The following NTNG1 variants were observed in gnomAD, a reference collection of about 807,000 sequenced individuals.
The protein encoded by NTNG1 is netrin-G1.
A neutral mutation model predicts 54.0 loss-of-function variants in NTNG1; 16 were observed. The ratio of observed to expected loss-of-function variants is 0.30; its 90% CI spans 0.20 to 0.45. The LOEUF is 0.45. NTNG1 is among the 20% of genes least tolerant of loss of function. The pLI, the probability that NTNG1 is intolerant of heterozygous loss-of-function variation, is 1.00. For synonymous variants in NTNG1, 255 were observed against 263.1 expected (o/e 0.97, Z 0.30); for missense variants, 530 against 678.7 (o/e 0.78, Z 2.43).
intron 7 of NTNG1, among the ~76,000 whole-genome samples, chr1:107,446,089 G>T (rs950907815): frequency 9.9e-5 from 15 of 152,064 alleles, no homozygotes; most frequent in African/African-American, 3.1e-4. Flanking sequence ...AGGCAGGAAA[G>T]AACATAAGAA....
intron 3 of NTNG1, among the ~76,000 whole-genome samples, chr1:107,354,914 A>G (rs140091930): frequency 7.0e-4 from 106 of 152,280 alleles, no homozygotes; most frequent in Non-Finnish European, 1.2e-3. Flanking sequence ...TGGGTTTGAC[A>G]TTATATACCT....
chr1:107,465,865 A>G (rs1359940340), intron 7 of NTNG1, among the ~76,000 whole-genome samples: 1 of 152,230 alleles, frequency 6.6e-6, no homozygotes, highest in Non-Finnish European at 1.5e-5. Context: ...GTACCAGATT[A>G]TTAGATATAT....
At chr1:107,156,411 G>A (rs1481615752) in intron 2 of NTNG1, among the ~76,000 whole-genome samples, 1 of 151,972 alleles carries the variant, frequency 6.6e-6, no homozygotes, top group African/African-American at 2.4e-5. Context: ...AGATAAAAAA[G>A]GCTATCCTGA....
At chr1:107,451,423 G>A (rs984096218) in intron 7 of NTNG1, among the ~76,000 whole-genome samples, 6 of 151,944 alleles carry the variant, frequency 3.9e-5, no homozygotes, top group East Asian at 1.9e-4. Context: ...GCCCTAACAC[G>A]GTTAACCAAA....
intron 4 of NTNG1, among the ~76,000 whole-genome samples, chr1:107,406,556 A>C (rs1673433352): frequency 6.6e-6 from 1 of 152,150 alleles, no homozygotes; most frequent in Admixed American, 6.6e-5. Flanking sequence ...GGTATAAAGC[A>C]GAATTCTCAC....
rs77488963 is a variant in NTNG1 at position 107,456,279 on chromosome 1, T to A, written c.1390+19480T>A. On this transcript the variant is annotated intron_variant, in intron 7 of 7. Coordinates refer to ENST00000370068, the MANE Select transcript of NTNG1 (RefSeq NM_001113226.3). The stretch of plus-strand genomic sequence containing the variant: ...TTGACACCCTTCAACCCTGGTCTGA[T>A]AAGCCAAAGGCTCACTTGGCTGTGA... Among the ~76,000 whole-genome samples, 707 of 152,336 alleles carry A rather than the reference T, an allele frequency of 4.6e-3. 10 individuals are homozygous for A. The highest frequency in any genetic ancestry group is 0.038 in the East Asian group (195 of 5,184).
At chr1:107,313,936 C>T (rs1392249372) in intron 2 of NTNG1, among the ~76,000 whole-genome samples, 2 of 152,130 alleles carry the variant, frequency 1.3e-5, no homozygotes, top group Non-Finnish European at 2.9e-5. Flanking sequence ...CTCTGCAAGC[C>T]CTTTGTTTCC....
intron 2 of NTNG1, among the ~76,000 whole-genome samples, chr1:107,273,752 G>T (rs1482695624): frequency 1.3e-5 from 2 of 152,084 alleles, no homozygotes; most frequent in African/African-American, 2.4e-5. Context: ...TGGGCCTCTT[G>T]TCGAGTACAT....
intron 5 of NTNG1, among the ~76,000 whole-genome samples, chr1:107,426,853 C>A (rs1201346269): frequency 1.3e-5 from 2 of 151,986 alleles, no homozygotes; most frequent in Non-Finnish European, 2.9e-5. Context: ...TCTACAATTT[C>A]TCCTATCAGT....
intron 2 of NTNG1, among the ~76,000 whole-genome samples, chr1:107,221,697 C>T (rs978962327): frequency 2.0e-5 from 3 of 152,030 alleles, no homozygotes; most frequent in South Asian, 2.1e-4. Flanking sequence ...GTACTTGGGC[C>T]GTGGCTGGCA....
intron 3 of NTNG1, among the ~76,000 whole-genome samples, chr1:107,370,332 T>A (rs1423480952): frequency 1.3e-5 from 2 of 151,852 alleles, no homozygotes; most frequent in Non-Finnish European, 2.9e-5. Flanking sequence ...TAGGGAGAAT[T>A]GTCATTTTTT....
chr1:107,155,731 A>G (rs1340611159), intron 2 of NTNG1, among the ~76,000 whole-genome samples: 2 of 152,232 alleles, frequency 1.3e-5, no homozygotes, highest in African/African-American at 4.8e-5. Context: ...ACTCCAAGGC[A>G]GCAAATAAAT....
chr1:107,284,902 A>T (rs1396631560), intron 2 of NTNG1, among the ~76,000 whole-genome samples: 1 of 152,140 alleles, frequency 6.6e-6, no homozygotes, highest in East Asian at 1.9e-4. Context: ...TAGATTGATT[A>T]GTCCACTGAC....
chr1:107,455,392 T>C (rs1676889520), intron 7 of NTNG1, among the ~76,000 whole-genome samples: 1 of 152,222 alleles, frequency 6.6e-6, no homozygotes, highest in Non-Finnish European at 1.5e-5. Context: ...CAATAAAAAG[T>C]CATTATGCAC....
intron 3 of NTNG1, among the ~76,000 whole-genome samples, chr1:107,341,995 C>A (rs1269147590): frequency 6.6e-6 from 1 of 151,788 alleles, no homozygotes; most frequent in African/African-American, 2.4e-5. Flanking sequence ...TTAGAGTGGA[C>A]AATTTACTAA....
At position 107,261,454 on chromosome 1, in the gene NTNG1, T is replaced by TA. The variant is rs902282203; in HGVS notation, c.247-62817dup. ...TTTTGTCTGCATGTTTCACAGGATT[T>TA]AAAAAAAAAAAGCTCTTCAGAAGAT... On this transcript the variant is annotated intron_variant, in intron 2 of 7. Transcript: ENST00000370068. 1.8e-3 allele frequency among the ~76,000 whole-genome samples: 263 copies of TA among 146,196 alleles called. 1 individual carries two copies. The highest frequency in any genetic ancestry group is 2.6e-3 in the African/African-American group (105 of 40,086).
intron 2 of NTNG1, among the ~76,000 whole-genome samples, chr1:107,292,933 A>G (rs1328959659): frequency 1.3e-5 from 2 of 151,698 alleles, no homozygotes; most frequent in Non-Finnish European, 2.9e-5. Context: ...ACTTTTTAAT[A>G]AACTTCCACT....
intron 2 of NTNG1, among the ~76,000 whole-genome samples, chr1:107,225,305 C>T (rs747562678): frequency 1.4e-4 from 21 of 151,998 alleles, no homozygotes; most frequent in Non-Finnish European, 2.6e-4. Context: ...GACATTATAT[C>T]CATCTCCTAG....
At chr1:107,388,594 A>G (rs542355600) in intron 3 of NTNG1, among the ~76,000 whole-genome samples, 1 of 152,364 alleles carries the variant, frequency 6.6e-6, no homozygotes, top group African/African-American at 2.4e-5. Context: ...AATGAGCACA[A>G]TGCCAGGTGC....
Sources: gnomAD v4.1 joint callset for allele counts (sites outside exome capture counted in the v4.1 genomes callset) on GRCh38, gnomAD v4.1.1 for gene constraint, MANE v1.5 for transcripts, NCBI Gene and HGNC (gene_info 2026-07-23, HGNC 2026-07-21) for gene names.